ROBO1: variants seen among roughly 807,000 people sequenced by gnomAD.
The protein encoded by ROBO1 is roundabout homolog 1.
Under a neutral mutation model 195.9 loss-of-function variants are expected in ROBO1, and 149 were observed. That is an observed-to-expected ratio of 0.76 (90% CI 0.67 to 0.87). The LOEUF (loss-of-function observed/expected upper bound fraction) is 0.87. ROBO1 is among the 40% of genes least tolerant of loss of function. ROBO1 has a pLI of 0.00. For missense variants in ROBO1, 1,933 were observed against 2,068.3 expected (o/e 0.93, Z 1.27); for synonymous variants, 816 against 733.2 (o/e 1.11, Z -1.82).
chr3:79,269,517 A>G (rs1225013772), intron 2 of ROBO1, among the ~76,000 whole-genome samples: 1 of 151,672 alleles, frequency 6.6e-6, no homozygotes, highest in Non-Finnish European at 1.5e-5. Context: ...ATTTAGATAG[A>G]AGGATTTATG....
At chr3:79,026,848 T>C (rs955180151) in intron 3 of ROBO1, among the ~76,000 whole-genome samples, 8 of 152,118 alleles carry the variant, frequency 5.3e-5, no homozygotes, top group African/African-American at 1.7e-4. Flanking sequence ...ATTTACATTA[T>C]GTTTAGTTCT....
chr3:79,300,469 G>A (rs529140979), intron 2 of ROBO1, among the ~76,000 whole-genome samples: 19 of 152,318 alleles, frequency 1.2e-4, no homozygotes, highest in African/African-American at 3.6e-4. Flanking sequence ...GGCAGGGCTC[G>A]GGACCTGCAG....
At chr3:78,876,814 A>G (rs761637191) in intron 4 of ROBO1, among the ~76,000 whole-genome samples, 4 of 152,206 alleles carry the variant, frequency 2.6e-5, no homozygotes, top group Non-Finnish European at 5.9e-5. Flanking sequence ...AAACCAGATA[A>G]ATACAAGAAT....
At chr3:79,238,252 A>G (rs1322830525) in intron 2 of ROBO1, among the ~76,000 whole-genome samples, 1 of 152,220 alleles carries the variant, frequency 6.6e-6, no homozygotes. Context: ...CAATTTAATC[A>G]TTACCTGATG....
intron 2 of ROBO1, among the ~76,000 whole-genome samples, chr3:79,395,196 C>T (rs929415899): frequency 6.6e-6 from 1 of 151,548 alleles, no homozygotes; most frequent in African/African-American, 2.4e-5. Context: ...GGTGGCGGCA[C>T]CTGTGGTCCC....
intron 2 of ROBO1, among the ~76,000 whole-genome samples, chr3:79,175,609 T>C (rs896747419): frequency 3.9e-5 from 6 of 152,256 alleles, no homozygotes; most frequent in African/African-American, 9.6e-5. Context: ...ATTACAATTC[T>C]TACTGTAATA....
At chr3:79,718,306 T>C (rs1342254016) in intron 1 of ROBO1, among the ~76,000 whole-genome samples, 1 of 152,046 alleles carries the variant, frequency 6.6e-6, no homozygotes, top group East Asian at 1.9e-4. Context: ...TCCAAATTTA[T>C]ATCAAAAATT....
At chr3:79,321,014 T>C (rs1230233049) in intron 2 of ROBO1, among the ~76,000 whole-genome samples, 1 of 152,174 alleles carries the variant, frequency 6.6e-6, no homozygotes, top group East Asian at 1.9e-4. Flanking sequence ...TTAAATATTA[T>C]CCCCCAATAT....
intron 4 of ROBO1, among the ~76,000 whole-genome samples, chr3:78,893,540 C>G (rs1249455156): frequency 6.6e-6 from 1 of 152,150 alleles, no homozygotes; most frequent in Non-Finnish European, 1.5e-5. Flanking sequence ...GCAGCACAGA[C>G]TAAGACATAT....
At chr3:79,555,790 CA>C (rs1207864197) in intron 2 of ROBO1, among the ~76,000 whole-genome samples, 1 of 151,948 alleles carries the variant, frequency 6.6e-6, no homozygotes, top group Admixed American at 6.6e-5. Flanking sequence ...AGAGCCTAAC[CA>C]AAAGTAAAAT....
intron 2 of ROBO1, among the ~76,000 whole-genome samples, chr3:79,378,956 C>T (rs961614822): frequency 6.6e-6 from 1 of 152,192 alleles, no homozygotes; most frequent in Admixed American, 6.5e-5. Context: ...TTTAATAGTG[C>T]CTTTACTAAC....
chr3:78,971,687 C>T (rs532261433), intron 3 of ROBO1, among the ~76,000 whole-genome samples: 4 of 152,126 alleles, frequency 2.6e-5, no homozygotes, highest in South Asian at 2.1e-4. Context: ...AGCTTCTATG[C>T]AATAGTATGA....
chr3:79,558,401 CTTA>C (rs1471176181), intron 2 of ROBO1, among the ~76,000 whole-genome samples: 3 of 152,108 alleles, frequency 2.0e-5, no homozygotes, highest in Non-Finnish European at 2.9e-5. Flanking sequence ...CTCTAGTTTA[CTTA>C]TTGTAAGAAT....
intron 3 of ROBO1, among the ~76,000 whole-genome samples, chr3:79,074,092 TC>T (rs2079131919): frequency 6.6e-6 from 1 of 151,884 alleles, no homozygotes; most frequent in Non-Finnish European, 1.5e-5. Flanking sequence ...TTATTTTTTA[TC>T]TATTAGACTA....
intron 2 of ROBO1, among the ~76,000 whole-genome samples, chr3:79,486,203 A>C (rs562221264): frequency 6.6e-6 from 1 of 151,964 alleles, no homozygotes; most frequent in Non-Finnish European, 1.5e-5. Context: ...TAAGTTTATA[A>C]TTACATTTTA....
intron 2 of ROBO1, among the ~76,000 whole-genome samples, chr3:79,318,849 T>G (rs1357845510): frequency 6.6e-6 from 1 of 152,136 alleles, no homozygotes; most frequent in Non-Finnish European, 1.5e-5. Context: ...GCCACAAATG[T>G]GAACCACACT....
chr3:79,291,347 C>T (rs1049227683), intron 2 of ROBO1, among the ~76,000 whole-genome samples: 1 of 152,046 alleles, frequency 6.6e-6, no homozygotes, highest in African/African-American at 2.4e-5. Flanking sequence ...CCTCTTCTAC[C>T]TCCCTCTCCA....
intron 3 of ROBO1, among the ~76,000 whole-genome samples, chr3:78,948,218 C>T (rs185266133): frequency 6.8e-6 from 1 of 147,854 alleles, no homozygotes; most frequent in Admixed American, 6.7e-5. Context: ...GAGACACAAC[C>T]AATTTTAGAC....
Position 78,852,018 on chromosome 3 carries a change from C to A in ROBO1, c.499+86583G>T, listed in dbSNP as rs575126166. On this transcript the variant is annotated intron_variant, in intron 4 of 30. Coordinates refer to ENST00000464233, the MANE Select transcript of ROBO1 (RefSeq NM_002941.4). ...TCAATAAGGTTATGAATAATAATTTCTTCATATATTTTAAATTTAAGAAAC... is the reference window on the plus strand; with the variant it reads ...TCAATAAGGTTATGAATAATAATTTATTCATATATTTTAAATTTAAGAAAC... Among the ~76,000 whole-genome samples, 5 of 151,848 alleles carry A rather than the reference C, an allele frequency of 3.3e-5. No homozygotes were observed. In the East Asian group the frequency reaches 9.7e-4, roughly 29 times the overall value.
Sources: allele counts gnomAD v4.1 joint callset (sites outside exome capture counted in the v4.1 genomes callset), GRCh38; gene constraint gnomAD v4.1.1; transcripts MANE v1.5; gene names NCBI Gene and HGNC (gene_info 2026-07-23, HGNC 2026-07-21).